The following SLAMF6 variants were observed in gnomAD, a reference collection of about 807,000 sequenced individuals.
The protein encoded by SLAMF6 is SLAM family member 6, also known as NK-T-B-antigen.
In SLAMF6, 21 loss-of-function variants were observed where a neutral mutation model predicts 38.3. That is an observed-to-expected ratio of 0.55 (90% CI 0.39 to 0.79). The LOEUF (loss-of-function observed/expected upper bound fraction) is 0.79. SLAMF6 is among the 30% of genes least tolerant of loss of function. The pLI is 0.00. For synonymous variants in SLAMF6, 152 were observed against 146.3 expected, an observed-to-expected ratio of 1.04 and a Z score of -0.28; for missense variants, 341 against 385.3, an observed-to-expected ratio of 0.89 and a Z score of 0.96.
chr1:160,517,040 T>G (rs763582239), intron 1 of SLAMF6, among the ~76,000 whole-genome samples: 6 of 152,016 alleles, frequency 3.9e-5, no homozygotes, highest in African/African-American at 4.8e-5. Context: ...AGCTTCTGCA[T>G]AGCAGAAGAA....
At chr1:160,503,663 T>A (rs948172624) in intron 1 of SLAMF6, among the ~76,000 whole-genome samples, 3 of 152,002 alleles carry the variant, frequency 2.0e-5, no homozygotes, top group Non-Finnish European at 4.4e-5. Flanking sequence ...AATAAATAAC[T>A]GCAAGGGTCC....
chr1:160,505,490 C>G (rs1446022298), intron 1 of SLAMF6, among the ~76,000 whole-genome samples: 1 of 152,184 alleles, frequency 6.6e-6, no homozygotes, highest in Non-Finnish European at 1.5e-5. Context: ...CAACCTCTGC[C>G]TCCTGGGCTG....
intron 1 of SLAMF6, among the ~76,000 whole-genome samples, chr1:160,503,567 G>T (rs966774877): frequency 2.0e-5 from 3 of 152,120 alleles, no homozygotes; most frequent in Non-Finnish European, 2.9e-5. Context: ...CATCAAAGGG[G>T]AGAGGGATTT....
intron 2 of SLAMF6, among the ~76,000 whole-genome samples, 181 bp downstream of exon 2, chr1:160,495,880 G>A (rs1454547143): frequency 2.6e-5 from 4 of 152,152 alleles, no homozygotes; most frequent in African/African-American, 9.7e-5. Context: ...CAAGACTTAG[G>A]CTCTGTCTTC....
intron 2 of SLAMF6, among the ~76,000 whole-genome samples, chr1:160,493,914 C>T (rs1653432081): frequency 6.6e-6 from 1 of 152,020 alleles, no homozygotes; most frequent in African/African-American, 2.4e-5. Flanking sequence ...CATGAGAGCT[C>T]ACTATCATGA....
At chr1:160,491,976 A>G (rs1224629272) in intron 2 of SLAMF6, among the ~76,000 whole-genome samples, 2 of 152,178 alleles carry the variant, frequency 1.3e-5, no homozygotes, top group Non-Finnish European at 2.9e-5. Flanking sequence ...GCAAGACAGA[A>G]AGGAAAATGC....
At chr1:160,499,500 C>G (rs1653768006) in intron 1 of SLAMF6, among the ~76,000 whole-genome samples, 1 of 152,058 alleles carries the variant, frequency 6.6e-6, no homozygotes, top group Non-Finnish European at 1.5e-5. Flanking sequence ...TGTGATGTCT[C>G]TGGATTTTTT....
intron 3 of SLAMF6, 74 bp downstream of exon 3, chr1:160,491,051 A>G: frequency 6.4e-7 from 1 of 1,570,458 alleles, no homozygotes; most frequent in Non-Finnish European, 8.7e-7. Context: ...ACTGTATTGG[A>G]AATTACGTAG....
chr1:160,496,353 C>T lies in SLAMF6; in HGVS notation c.90G>A (p.Val30=), dbSNP rs779311300. 2.5e-6 allele frequency: 4 copies of T among 1,613,942 alleles called. No homozygotes were observed. The Admixed American group carries it at 5.0e-5, about 20-fold the overall frequency. Reference sequence around the variant, plus strand: ...TTACTGACTCCCCCAGAATCCCGTTCACCATCAATGGGGTTAAGCTGCTTT... The same window carrying T: ...TTACTGACTCCCCCAGAATCCCGTTTACCATCAATGGGGTTAAGCTGCTTT... The part of the protein sequence containing the change: ...VSQSSLTPLM[V]NGILGESVTL... The change falls in exon 2 of 8, where the codon GTG becomes GTA. Residue 30 remains valine (V), a synonymous_variant. Coordinates refer to ENST00000368057, the MANE Select transcript of SLAMF6 (RefSeq NM_001184714.2).
chr1:160,489,304 T>A, intron 5 of SLAMF6, 134 bp from the exon 6 acceptor site: 1 of 796,230 alleles, frequency 1.3e-6, no homozygotes, highest in Non-Finnish European at 2.1e-6. Context: ...GAGGGATCAT[T>A]CGTTCTTGAC....
At chr1:160,520,505 C>T (rs1654935908) in intron 1 of SLAMF6, among the ~76,000 whole-genome samples, 1 of 152,058 alleles carries the variant, frequency 6.6e-6, no homozygotes, top group Non-Finnish European at 1.5e-5. Flanking sequence ...ATAAGATTCC[C>T]CCAAGTAATT....
rs546807709 is a variant in SLAMF6 at position 160,500,586 on chromosome 1, T to C, written c.50-4193A>G. ...TCCAGCTGCCTTTGGATTTACCATC[T>C]AGTACTTACCATCTAGTATACTTTA... On this transcript the variant is annotated intron_variant, in intron 1 of 7. Transcript: ENST00000368057. Among the ~76,000 whole-genome samples, 4 of 152,292 alleles carry C rather than the reference T, an allele frequency of 2.6e-5. No homozygotes were observed. In the South Asian group the frequency reaches 6.2e-4, roughly 24 times the overall value.
At chr1:160,490,330 G>A (rs1653217998) in intron 4 of SLAMF6, 94 bp from the exon 5 acceptor site, 2 of 1,583,426 alleles carry the variant, frequency 1.3e-6, no homozygotes, top group Non-Finnish European at 1.7e-6. Context: ...GGTGGGAGGG[G>A]ACCCAAAAGG....
At chr1:160,488,617 C>T (rs1368154624) in intron 6 of SLAMF6, among the ~76,000 whole-genome samples, 10 of 152,020 alleles carry the variant, frequency 6.6e-5, no homozygotes, top group Admixed American at 2.0e-4. Context: ...CTCTACTGTG[C>T]CCCCTTCCCC....
At chr1:160,514,679 T>G (rs962950546) in intron 1 of SLAMF6, among the ~76,000 whole-genome samples, 8 of 152,098 alleles carry the variant, frequency 5.3e-5, no homozygotes, top group Admixed American at 5.2e-4. Context: ...CATAATCAAA[T>G]TAGAACTCAA....
At chr1:160,512,357 C>A (rs970249108) in intron 1 of SLAMF6, among the ~76,000 whole-genome samples, 1 of 152,204 alleles carries the variant, frequency 6.6e-6, no homozygotes, top group Non-Finnish European at 1.5e-5. Context: ...GAACCCTGAT[C>A]TCCCTGGGAT....
Position 160,496,389 on chromosome 1 carries a change from A to G in SLAMF6, c.54T>C (p.Asn18=). ...LLFVFCFGPG[N]VVSQSSLTPL... ...GGGTTAAGCTGCTTTGTGAAACTACATTCCCTGTAAACACAGAAGGAAAGG... is the reference window on the plus strand; with the variant it reads ...GGGTTAAGCTGCTTTGTGAAACTACGTTCCCTGTAAACACAGAAGGAAAGG... The change falls in exon 2 of 8, where the codon AAT becomes AAC. Residue 18 remains asparagine, a synonymous_variant. Transcript: ENST00000368057. 6.2e-7 allele frequency: 1 copy of G among 1,612,532 alleles called. No homozygotes were observed. Among genetic ancestry groups the G allele is most frequent in the Non-Finnish European group, 8.5e-7 (1 of 1,178,862 alleles).
At chr1:160,505,318 A>G (rs914421289) in intron 1 of SLAMF6, among the ~76,000 whole-genome samples, 3 of 152,370 alleles carry the variant, frequency 2.0e-5, no homozygotes, top group Non-Finnish European at 2.9e-5. Flanking sequence ...GAAGAACAAG[A>G]AAGTGTGACC....
intron 1 of SLAMF6, among the ~76,000 whole-genome samples, chr1:160,497,659 C>A (rs557012401): frequency 6.6e-6 from 1 of 151,982 alleles, no homozygotes; most frequent in South Asian, 2.1e-4. Context: ...TAGTCCACAG[C>A]GTCTATTAAT....
Sources: allele counts gnomAD v4.1 joint callset (sites outside exome capture counted in the v4.1 genomes callset), GRCh38; gene constraint gnomAD v4.1.1; transcripts MANE v1.5; gene names NCBI Gene and HGNC (gene_info 2026-07-23, HGNC 2026-07-21).